Variants in LY86 observed in about 807,000 individuals in gnomAD.
LY86 encodes the protein MD-1, RP105-associated.
LY86 carries 20 observed loss-of-function variants against 17.3 expected under a neutral mutation model. The observed-to-expected ratio is 1.15, with a 90% CI of 0.81 to 1.68. The LOEUF is 1.68. LY86 is among the 40% of genes most tolerant of loss of function. The pLI is 0.00. For missense variants in LY86, 200 were observed against 191.9 expected, an observed-to-expected ratio of 1.04 and a Z score of -0.25; for synonymous variants, 74 against 70.6, an observed-to-expected ratio of 1.05 and a Z score of -0.24.
chr6:6,620,682 G>A (rs896278865), intron 1 of LY86, among the ~76,000 whole-genome samples: 3 of 152,212 alleles, frequency 2.0e-5, no homozygotes, highest in Non-Finnish European at 4.4e-5. Context: ...TGACAAGGTT[G>A]TCCTCCCCTC....
intron 3 of LY86, among the ~76,000 whole-genome samples, chr6:6,647,305 C>T (rs1197204663): frequency 1.3e-5 from 2 of 152,226 alleles, no homozygotes; most frequent in African/African-American, 4.8e-5. Flanking sequence ...TCTCTTTCTA[C>T]AAGATTATTC....
chr6:6,605,719 T>C (rs72821154), intron 1 of LY86, among the ~76,000 whole-genome samples: 3,548 of 152,266 alleles, frequency 0.023, 68 homozygotes, highest in Non-Finnish European at 0.036. Context: ...AACCTCGCGG[T>C]GAGTGTTACA....
At chr6:6,609,092 C>G (rs566048257) in intron 1 of LY86, among the ~76,000 whole-genome samples, 1 of 152,282 alleles carries the variant, frequency 6.6e-6, no homozygotes, top group East Asian at 1.9e-4. Context: ...CTGCTTTTCC[C>G]CTCCAGCATC....
intron 3 of LY86, among the ~76,000 whole-genome samples, chr6:6,627,351 C>A (rs1441438536): frequency 6.6e-6 from 1 of 152,192 alleles, no homozygotes; most frequent in Non-Finnish European, 1.5e-5. Flanking sequence ...TTGGAATCTC[C>A]TTTCTACAGT....
rs1302313883 is a variant in LY86 at position 6,595,712 on chromosome 6, AAG to A, written c.136+6844_136+6845del. ...CTAGAAATGACATCTTCCAAATTAAAAGAAGTATATGTAGGGCCACTCTCTTA... is the reference window on the plus strand; with the variant it reads ...CTAGAAATGACATCTTCCAAATTAAAAAGTATATGTAGGGCCACTCTCTTA... On this transcript the variant is annotated intron_variant, in intron 1 of 4. Transcript: ENST00000230568. Among the ~76,000 whole-genome samples, 13 of 152,288 alleles carry A rather than the reference AAG, an allele frequency of 8.5e-5. No individual in the cohort carries two copies. The East Asian group carries it at 2.5e-3, about 29-fold the overall frequency.
intron 1 of LY86, among the ~76,000 whole-genome samples, chr6:6,595,579 C>T (rs988019138): frequency 1.4e-5 from 2 of 144,960 alleles, no homozygotes; most frequent in African/African-American, 2.5e-5. Context: ...TTTGGCTCTT[C>T]CCAAGTATCC....
chr6:6,626,352 T>C lies in LY86; in HGVS notation c.283T>C (p.Leu95=). ...LALMSQGSSV[L]NFSYPICEAA... Reference sequence around the variant, plus strand: ...TCTCATGTCTCAAGGCTCATCTGTTTTGAATTTCTCCTATCCCATCTGTGA... The same window carrying C: ...TCTCATGTCTCAAGGCTCATCTGTTCTGAATTTCTCCTATCCCATCTGTGA... Residue 95 remains leucine (L), a synonymous_variant, in exon 3 of 5, where the codon TTG becomes CTG. Coordinates refer to ENST00000230568, the MANE Select transcript of LY86 (RefSeq NM_004271.4). 9 of 1,614,108 alleles carry C rather than the reference T, an allele frequency of 5.6e-6. No homozygotes were observed. The highest frequency in any genetic ancestry group is 7.6e-6 in the Non-Finnish European group (9 of 1,180,008).
intron 3 of LY86, among the ~76,000 whole-genome samples, chr6:6,648,201 T>C (rs1561793492): frequency 1.3e-5 from 2 of 152,150 alleles, no homozygotes; most frequent in Admixed American, 6.5e-5. Context: ...TCATTTACCT[T>C]GGCCACAGAA....
At chr6:6,612,010 AAT>A (rs1761358372) in intron 1 of LY86, among the ~76,000 whole-genome samples, 1 of 37,586 alleles carries the variant, frequency 2.7e-5, no homozygotes, top group African/African-American at 2.5e-4. Context: ...ACACTATGAA[AAT>A]AATCTTTGTG....
Position 6,649,646 on chromosome 6 carries a change from C to T in LY86, c.374C>T (p.Pro125Leu). Reference sequence around the variant, plus strand: ...TCAGAGCAGATTTACTATGCTGGGCCTGTCAATAATCCTGAATTTACTATT... The same window carrying T: ...TCAGAGCAGATTTACTATGCTGGGCTTGTCAATAATCCTGAATTTACTATT... ...RKGEQIYYAG[P>L]VNNPEFTIPQ... Residue 125 changes from proline (P) to leucine (L), a missense_variant, in exon 4 of 5, where the codon CCT becomes CTT. Transcript: ENST00000230568. The T allele has an allele frequency of 6.4e-7, 1 of 1,574,228 alleles. No homozygotes were observed. The highest frequency in any genetic ancestry group is 8.7e-7 in the Non-Finnish European group (1 of 1,148,836).
chr6:6,641,397 C>T (rs115714489), intron 3 of LY86, among the ~76,000 whole-genome samples: 2 of 152,214 alleles, frequency 1.3e-5, no homozygotes, highest in African/African-American at 2.4e-5. Flanking sequence ...ACCGTGCCCC[C>T]CTCCTGCTTC....
At chr6:6,620,559 C>A (rs777643249) in intron 1 of LY86, among the ~76,000 whole-genome samples, 37 of 152,172 alleles carry the variant, frequency 2.4e-4, no homozygotes, top group Non-Finnish European at 4.9e-4. Flanking sequence ...TACCCGGGCC[C>A]CCACCATCCT....
At chr6:6,627,018 C>T (rs1204324274) in intron 3 of LY86, among the ~76,000 whole-genome samples, 1 of 152,172 alleles carries the variant, frequency 6.6e-6, no homozygotes, top group East Asian at 1.9e-4. Context: ...CTTCCCCCAC[C>T]TGTCCCCACC....
At chr6:6,624,734 A>G (rs1198070369) in intron 1 of LY86, among the ~76,000 whole-genome samples, 192 bp from the exon 2 acceptor site, 2 of 152,230 alleles carry the variant, frequency 1.3e-5, no homozygotes. Flanking sequence ...TGTCAGAGTG[A>G]ACATGATGTT....
chr6:6,605,064 C>A (rs897538708), intron 1 of LY86, among the ~76,000 whole-genome samples: 1 of 142,314 alleles, frequency 7.0e-6, no homozygotes, highest in Non-Finnish European at 1.6e-5. Context: ...GCCACCGAGA[C>A]TCTCACTAAA....
intron 1 of LY86, among the ~76,000 whole-genome samples, chr6:6,607,549 A>G (rs1225823674): frequency 6.6e-6 from 1 of 152,224 alleles, no homozygotes; most frequent in Non-Finnish European, 1.5e-5. Context: ...TGCTGGAAAG[A>G]AGGGAGGAAA....
Position 6,645,554 on chromosome 6 carries a change from G to T in LY86, c.353-4071G>T, listed in dbSNP as rs78885518. Among the ~76,000 whole-genome samples the T allele has an allele frequency of 7.6e-3, 1,149 of 152,100 alleles. 9 individuals are homozygous for T. The highest frequency in any genetic ancestry group is 0.026 in the African/African-American group (1,088 of 41,498). On this transcript the variant is annotated intron_variant, in intron 3 of 4. Transcript: ENST00000230568. ...CTAGGTCAAGGAAGGAAGGAAGGAG[G>T]CTGTGCCACCCTACAGCAATTTGTA...
intron 3 of LY86, among the ~76,000 whole-genome samples, chr6:6,646,402 C>T (rs2113162123): frequency 6.6e-6 from 1 of 152,298 alleles, no homozygotes; most frequent in Admixed American, 6.5e-5. Flanking sequence ...CATCATCCTT[C>T]TTGCTGACTT....
chr6:6,612,318 G>A (rs1432256505), intron 1 of LY86, among the ~76,000 whole-genome samples: 2 of 152,230 alleles, frequency 1.3e-5, no homozygotes, highest in Non-Finnish European at 1.5e-5. Context: ...CTTCAGGCGT[G>A]AAACTGCAGA....
Sources: allele counts gnomAD v4.1 joint callset (sites outside exome capture counted in the v4.1 genomes callset), GRCh38; gene constraint gnomAD v4.1.1; transcripts MANE v1.5; gene names NCBI Gene and HGNC (gene_info 2026-07-23, HGNC 2026-07-21).